INPPL1: variants seen among roughly 807,000 people sequenced by gnomAD.
INPPL1 encodes phosphatidylinositol 3,4,5-trisphosphate 5-phosphatase 2.
Under a neutral mutation model 139.3 loss-of-function variants are expected in INPPL1, and 91 were observed. The observed-to-expected ratio is 0.65, with a 90% confidence interval of 0.55 to 0.78. The LOEUF is 0.78. Among genes scored for constraint, INPPL1 ranks in the 30% least tolerant of loss-of-function variants. INPPL1 has a pLI of 0.00. For synonymous variants in INPPL1, 719 were observed against 686.6 expected (o/e 1.05, Z -0.74); for missense variants, 1,411 against 1,665.6 (o/e 0.85, Z 2.66).
Position 72,233,466 on chromosome 11 carries a change from G to T in INPPL1, c.2066G>T (p.Cys689Phe). ...GTCCGGACCAATGTGCCCTCATGGT[G>T]TGACCGGATTCTGTGGAAATCCTAC... The part of the protein sequence containing the change: ...TGVRTNVPSW[C>F]DRILWKSYPE... Residue 689 changes from cysteine to phenylalanine, a missense_variant, in exon 18 of 28, where the codon TGT becomes TTT. By Grantham distance (205) the Cys-to-Phe change is radical. Around this residue, in one of 5 missense-constraint regions of INPPL1, gnomAD observed 363 missense variants for 446.2 expected, o/e 0.81. Transcript: ENST00000298229. 1 of 1,614,186 alleles carries T rather than the reference G, an allele frequency of 6.2e-7. No individual in the cohort carries two copies. The highest frequency in any genetic ancestry group is 8.5e-7 in the Non-Finnish European group (1 of 1,180,024).
At position 72,228,919 on chromosome 11, in the gene INPPL1, G is replaced by A; in HGVS notation, c.518+72G>A. 1 of 1,526,502 alleles carries A rather than the reference G, an allele frequency of 6.6e-7. No individual in the cohort carries two copies. The highest frequency in any genetic ancestry group is 8.8e-7 in the Non-Finnish European group (1 of 1,137,034). 94.6% of individuals were successfully genotyped at this position (1,526,502 alleles called of 1,614,324 possible). A position where few individuals can be genotyped will look rare whatever the true frequency, so the allele number is the denominator to read the frequency against. ...GAGAACTATTTCCCTACCAAAGGTG[G>A]GGAGGCCTTCTAAGACCCCACCAGG... On this transcript the variant is annotated intron_variant, in intron 4 of 27. Transcript: ENST00000298229. This position sits in a 1 kb window ranked among gnomAD's most constrained non-coding sequence, Gnocchi z 5.0.
rs1329104737 is a variant in INPPL1 at position 72,232,626 on chromosome 11, G to A, written c.1713G>A (p.Arg571=). The A allele has an allele frequency of 1.2e-6, 2 of 1,613,376 alleles. No homozygotes were observed. Among genetic ancestry groups the A allele is most frequent in the Non-Finnish European group, 1.7e-6 (2 of 1,179,936 alleles). Residue 571 remains arginine (R), a splice_region_variant and synonymous_variant, in exon 15 of 28, where the codon CGG becomes CGA. Transcript: ENST00000298229. ...HLTSGNEKTA[R]RNQNYLDILR... is the part of the protein sequence containing the mutation. Reference sequence around the variant, plus strand: ...CCCCACCACGCACCCCTCACCCTAGGAGGAACCAAAACTACTTGGACATCC... The same window carrying A: ...CCCCACCACGCACCCCTCACCCTAGAAGGAACCAAAACTACTTGGACATCC...
chr11:72,237,647 T>C lies in INPPL1; in HGVS notation c.3403T>C (p.Tyr1135His), dbSNP rs774128947. 7.4e-6 allele frequency: 12 copies of C among 1,611,070 alleles called. No homozygotes were observed. The highest frequency in any genetic ancestry group is 1.0e-5 in the Non-Finnish European group (12 of 1,178,816). The part of the protein sequence containing the change: ...QMAKTLSEVD[Y>H]APAGPARSAL... ...GGCCAAGACGCTGAGCGAGGTGGAC[T>C]ATGCCCCTGCTGGGCCTGCACGCTC... is the stretch of plus-strand genomic sequence containing the variant. The change falls in exon 26 of 28, where the codon TAT becomes CAT. Residue 1135 changes from tyrosine (Y) to histidine (H), a missense_variant. Coordinates refer to ENST00000298229, the MANE Select transcript of INPPL1 (RefSeq NM_001567.4).
intron 17 of INPPL1, 123 bp downstream of exon 17, chr11:72,233,286 T>C: frequency 9.6e-7 from 1 of 1,042,786 alleles, no homozygotes; most frequent in Non-Finnish European, 1.4e-6. Context: ...CTGAGGCCTT[T>C]GGGTGATCCT....
chr11:72,227,746 C>T (rs1024447090), intron 1 of INPPL1: 94 of 221,166 alleles, frequency 4.3e-4, no homozygotes, highest in African/African-American at 2.1e-3. Flanking sequence ...CCAGCAGAGC[C>T]AGAGAGCAGC....
chr11:72,237,900 T>G, intron 26 of INPPL1, 104 bp downstream of exon 26: 2 of 1,450,344 alleles, frequency 1.4e-6, no homozygotes, highest in African/African-American at 1.4e-5. Flanking sequence ...CCTGCTACCC[T>G]GAACTGATCA....
intron 10 of INPPL1, 104 bp from the exon 11 acceptor site, chr11:72,230,692 G>C: frequency 2.0e-6 from 2 of 985,462 alleles, no homozygotes; most frequent in South Asian, 1.5e-5. Context: ...TGGAGAACCA[G>C]ACAGACCCTC....
chr11:72,236,285 G>C (rs1272992073), intron 25 of INPPL1, among the ~76,000 whole-genome samples: 5 of 152,240 alleles, frequency 3.3e-5, no homozygotes, highest in Non-Finnish European at 7.3e-5. Flanking sequence ...CTTCTATTTG[G>C]AGGAGGCACA....
At chr11:72,226,632 A>C (rs1452025328) in intron 1 of INPPL1, among the ~76,000 whole-genome samples, 2 of 152,176 alleles carry the variant, frequency 1.3e-5, no homozygotes, top group Non-Finnish European at 2.9e-5. Context: ...TGGAGGTTGA[A>C]AAACTCTAGC....
At position 72,235,367 on chromosome 11, in the gene INPPL1, C is replaced by T. The variant is rs776269568; in HGVS notation, c.2575C>T (p.Arg859Cys). The change falls in exon 23 of 28, where the codon CGT becomes TGT. Residue 859 changes from arginine (R) to cysteine (C), a missense_variant. Coordinates refer to ENST00000298229, the MANE Select transcript of INPPL1 (RefSeq NM_001567.4). The surrounding 1 kb of genome is among the most constrained non-coding windows in gnomAD (Gnocchi z 4.9). ...AQQFLTFLSH[R>C]GEETGNIRGS... ...ACAGTTCCTGACCTTCCTATCCCAC[C>T]GTGGCGAGGAGACAGGCAATATCAG... The T allele has an allele frequency of 1.2e-6, 2 of 1,614,068 alleles. No homozygotes were observed. Among genetic ancestry groups the T allele is most frequent in the Non-Finnish European group, 8.5e-7 (1 of 1,180,002 alleles).
At position 72,235,099 on chromosome 11, in the gene INPPL1, G is replaced by GCCT. The variant is rs1948947735; in HGVS notation, c.2416-14_2416-12dup. 1.2e-6 allele frequency: 2 copies of GCCT among 1,609,372 alleles called. No homozygotes were observed. The highest frequency in any genetic ancestry group is 1.7e-6 in the Non-Finnish European group (2 of 1,176,756). On this transcript the variant is annotated splice_polypyrimidine_tract_variant and intron_variant, in intron 21 of 27. Coordinates refer to ENST00000298229, the MANE Select transcript of INPPL1 (RefSeq NM_001567.4). The surrounding 1 kb of genome is among the most constrained non-coding windows in gnomAD (Gnocchi z 4.9). ...GTGGCGGGGCTTTGTTCCTCACTGG[G>GCCT]CCTCCCTGCTTCCCAGCTCAAACCA...
intron 5 of INPPL1, 31 bp downstream of exon 5, chr11:72,229,261 A>G (rs1391832454): frequency 2.5e-6 from 4 of 1,582,354 alleles, no homozygotes; most frequent in Non-Finnish European, 3.4e-6. Flanking sequence ...CATGTATTAC[A>G]CCCTTACCTC....
intron 12 of INPPL1, 87 bp downstream of exon 12, chr11:72,231,276 C>T (rs1451066339): frequency 1.5e-6 from 2 of 1,291,208 alleles, no homozygotes; most frequent in Non-Finnish European, 2.2e-6. Flanking sequence ...ACCCTGGGAG[C>T]ACAGCTTCAC....
rs1426824226 is a variant in INPPL1 at position 72,232,912 on chromosome 11, C to T, written c.1889C>T (p.Pro630Leu). 6.2e-7 allele frequency: 1 copy of T among 1,614,128 alleles called. No homozygotes were observed. The highest frequency in any genetic ancestry group is 1.7e-5 in the Admixed American group (1 of 60,020). Residue 630 changes from proline to leucine, a missense_variant, in exon 16 of 28, where the codon CCC becomes CTC. Coordinates refer to ENST00000298229, the MANE Select transcript of INPPL1 (RefSeq NM_001567.4). ...LNYISRKEFE[P>L]LLRVDQLNLE... ...TACATCAGCAGGAAAGAGTTTGAGC[C>T]CCTCCTCAGGGTGGACCAGCTCAAC...
chr11:72,237,975 C>T, intron 26 of INPPL1, 67 bp from the exon 27 acceptor site: 1 of 1,491,676 alleles, frequency 6.7e-7, no homozygotes, highest in Non-Finnish European at 8.9e-7. Context: ...GAGCATGCAG[C>T]AGAATGTGAC....
At position 72,232,887 on chromosome 11, in the gene INPPL1, T is replaced by C; in HGVS notation, c.1864T>C (p.Tyr622His). 1 of 1,614,018 alleles carries C rather than the reference T, an allele frequency of 6.2e-7. No individual in the cohort carries two copies. The highest frequency in any genetic ancestry group is 8.5e-7 in the Non-Finnish European group (1 of 1,179,968). ...LDMDIQEILN[Y>H]ISRKEFEPLL... is the part of the protein sequence containing the mutation. ...TCCTCCACCCCAGGAGATCCTGAAC[T>C]ACATCAGCAGGAAAGAGTTTGAGCC... The change falls in exon 16 of 28, where the codon TAC becomes CAC. Residue 622 changes from tyrosine (Y) to histidine (H), a missense_variant. This residue lies in a region of INPPL1 where 363 missense variants were observed against 446.2 expected (regional missense o/e 0.81). Transcript: ENST00000298229.
chr11:72,228,338 T>C lies in INPPL1; in HGVS notation c.247-10T>C. ...GGCTGACCCTTCCTCCCACCCTTGC[T>C]GGCCCACAGACCTCGCAGGGTGTGC... On this transcript the variant is annotated splice_polypyrimidine_tract_variant and intron_variant, in intron 2 of 27. Coordinates refer to ENST00000298229, the MANE Select transcript of INPPL1 (RefSeq NM_001567.4). This position sits in a 1 kb window ranked among gnomAD's most constrained non-coding sequence, Gnocchi z 5.0. 1 of 1,613,884 alleles carries C rather than the reference T, an allele frequency of 6.2e-7. No individual in the cohort carries two copies. Among genetic ancestry groups the C allele is most frequent in the Non-Finnish European group, 8.5e-7 (1 of 1,179,930 alleles).
At chr11:72,224,656 G>A (rs1255224712), upstream of INPPL1, 1 of 150,438 alleles carries the variant, frequency 6.6e-6, no homozygotes, top group East Asian at 2.0e-4. Flanking sequence ...CCCGCAGGAG[G>A]AGCTGGGGGC....
At chr11:72,232,477 C>A in intron 14 of INPPL1, 141 bp downstream of exon 14, 1 of 1,219,644 alleles carries the variant, frequency 8.2e-7, no homozygotes, top group South Asian at 1.4e-5. Context: ...ATTCAAGACC[C>A]TTCTGTTCCT....
Sources: gnomAD v4.1 joint callset for allele counts (sites outside exome capture counted in the v4.1 genomes callset) on GRCh38, gnomAD v4.1.1 for gene constraint, gnomAD v4.1.1 regional missense constraint, Gnocchi (gnomAD v3.1) non-coding constraint, MANE v1.5 for transcripts, NCBI Gene and HGNC (gene_info 2026-07-23, HGNC 2026-07-21) for gene names.